Variants in CCR3 observed in about 807,000 individuals in gnomAD.
CCR3 encodes the protein C-C motif chemokine receptor 3, also known as C-C chemokine receptor type 3.
For synonymous variants in CCR3, 203 were observed against 179.2 expected (o/e 1.13, Z -1.06); for missense variants, 419 against 437.5 (o/e 0.96, Z 0.38).
At chr3:46,242,963 G>GTGTATATA (rs1553644056) in intron 1 of CCR3, among the ~76,000 whole-genome samples, 2 of 86,298 alleles carry the variant, frequency 2.3e-5, no homozygotes, top group East Asian at 7.2e-4. Context: ...ATATATATGT[G>GTGTATATA]TATATATATA....
chr3:46,232,965 T>G (rs1699983097), intron 2 of CCR3, among the ~76,000 whole-genome samples: 1 of 152,212 alleles, frequency 6.6e-6, no homozygotes, highest in Admixed American at 6.5e-5. Flanking sequence ...CCCGAGTAGC[T>G]GGGATTATAG....
In CCR3 at chr3:46,251,689, G is replaced by A. The variant is rs181843700; in HGVS notation, c.-12+9151G>A. 6.2e-3 allele frequency among the ~76,000 whole-genome samples: 937 copies of A among 152,268 alleles called. 8 individuals are homozygous for A. The highest frequency in any genetic ancestry group is 0.011 in the Admixed American group (172 of 15,314). On this transcript the variant is annotated intron_variant, in intron 1 of 1. Coordinates refer to ENST00000395940, the MANE Select transcript of CCR3 (RefSeq NM_178329.3). ...GTTTATTTCACCTGAGTGCAGGCGG[G>A]CTGAGTCCGAAAAGAGAGTCAGCAA...
At chr3:46,239,509 T>C (rs1417026896), upstream of CCR3, among the ~76,000 whole-genome samples, 2 of 152,214 alleles carry the variant, frequency 1.3e-5, no homozygotes, top group East Asian at 1.9e-4. Context: ...CTCATCTATA[T>C]GAGCCATAAA....
chr3:46,265,399 C>T lies in CCR3; in HGVS notation c.241C>T (p.Leu81=), dbSNP rs768633312. ...CCTGCTCAACCTGGCCATTTCGGACCTGCTCTTCCTCGTCACCCTTCCATT... is the reference window on the plus strand; with the variant it reads ...CCTGCTCAACCTGGCCATTTCGGACTTGCTCTTCCTCGTCACCCTTCCATT... ...IYLLNLAISD[L]LFLVTLPFWI... Residue 81 remains leucine, a synonymous_variant, in exon 2 of 2, where the codon CTG becomes TTG. Transcript: ENST00000395940. 5.0e-6 allele frequency: 8 copies of T among 1,614,210 alleles called. No individual in the cohort carries two copies. The South Asian group carries it at 6.6e-5, about 13-fold the overall frequency.
Position 46,221,301 on chromosome 3 carries a change from C to A in CCR3, c.-68+10394C>A, listed in dbSNP as rs1393622027. On this transcript the variant is annotated intron_variant, in intron 2 of 3. Coordinates refer to the CCR3 transcript ENST00000357422. ...ATGTACAGGGAAGATGTTTGCATTT[C>A]TTTCATCTTAAGTCTTCAAGGACAA... Among the ~76,000 whole-genome samples, 3 of 152,340 alleles carry A rather than the reference C, an allele frequency of 2.0e-5. No individual in the cohort carries two copies. The East Asian group carries it at 5.8e-4, about 29-fold the overall frequency.
intron 2 of CCR3, among the ~76,000 whole-genome samples, chr3:46,220,171 G>A (rs1306968411): frequency 6.6e-6 from 1 of 152,084 alleles, no homozygotes; most frequent in Non-Finnish European, 1.5e-5. Flanking sequence ...TCAAAAAGCG[G>A]GCTAAGGACA....
chr3:46,252,980 C>A (rs1196392218), intron 1 of CCR3, among the ~76,000 whole-genome samples: 5 of 151,960 alleles, frequency 3.3e-5, no homozygotes, highest in Non-Finnish European at 5.9e-5. Flanking sequence ...GAGTTGTCAA[C>A]CTTGGCTGCA....
intron 2 of CCR3, among the ~76,000 whole-genome samples, chr3:46,211,379 G>GTATATATATATA (rs34807299): frequency 1.6e-5 from 2 of 127,748 alleles, no homozygotes; most frequent in African/African-American, 8.0e-5. Flanking sequence ...GAAAAAATAT[G>GTATATATATATA]TATATATATA....
chr3:46,251,616 A>G (rs1478688867), intron 1 of CCR3, among the ~76,000 whole-genome samples: 1 of 152,180 alleles, frequency 6.6e-6, no homozygotes, highest in African/African-American at 2.4e-5. Context: ...TTTCATGTGC[A>G]TCCTTGTGAA....
chr3:46,221,444 C>G (rs745913195), intron 2 of CCR3, among the ~76,000 whole-genome samples: 7 of 152,216 alleles, frequency 4.6e-5, no homozygotes, highest in Admixed American at 3.3e-4. Flanking sequence ...GCCTGATTCC[C>G]TAGTTGTAGG....
chr3:46,251,889 A>G (rs1204337201), intron 1 of CCR3, among the ~76,000 whole-genome samples: 1 of 152,170 alleles, frequency 6.6e-6, no homozygotes, highest in African/African-American at 2.4e-5. Context: ...AGGTAATGTC[A>G]TCACTTAAGG....
At chr3:46,246,666 G>A (rs1395261095) in intron 1 of CCR3, among the ~76,000 whole-genome samples, 1 of 152,118 alleles carries the variant, frequency 6.6e-6, no homozygotes, top group Non-Finnish European at 1.5e-5. Flanking sequence ...AGGCCATCTG[G>A]GCGTATATGT....
chr3:46,266,051 C>G lies in CCR3; in HGVS notation c.893C>G (p.Pro298Arg), dbSNP rs547603517. The change falls in exon 2 of 2, where the codon CCG becomes CGG. Residue 298 changes from proline to arginine, a missense_variant. Physicochemically the swap from Pro to Arg is moderately radical, Grantham distance 103 (BLOSUM62 -2). Transcript: ENST00000395940. ...GCCTACTCCCACTGCTGCATGAACC[C>G]GGTGATCTACGCCTTTGTTGGAGAG... The part of the protein sequence containing the change: ...VIAYSHCCMN[P>R]VIYAFVGERF... 6.2e-7 allele frequency: 1 copy of G among 1,614,034 alleles called. No homozygotes were observed. Among genetic ancestry groups the G allele is most frequent in the East Asian group, 2.2e-5 (1 of 44,866 alleles).
chr3:46,252,806 G>A (rs557579859), intron 1 of CCR3, among the ~76,000 whole-genome samples: 6 of 152,196 alleles, frequency 3.9e-5, no homozygotes, highest in Non-Finnish European at 5.9e-5. Context: ...GCCATTCATG[G>A]TGATAGCTTC....
Position 46,265,806 on chromosome 3 carries a change from C to T in CCR3, c.648C>T (p.Ala216=), listed in dbSNP as rs1559541450. Residue 216 remains alanine (A), a synonymous_variant, in exon 2 of 2, where the codon GCC becomes GCT. Coordinates refer to ENST00000395940, the MANE Select transcript of CCR3 (RefSeq NM_178329.3). ...TCGTTCTCCCTCTGCTCGTTATGGC[C>T]ATCTGCTACACAGGAATCATCAAAA... ...FCLVLPLLVM[A]ICYTGIIKTL... 1.2e-6 allele frequency: 2 copies of T among 1,614,002 alleles called. No homozygotes were observed. Among genetic ancestry groups the T allele is most frequent in the Non-Finnish European group, 1.7e-6 (2 of 1,179,978 alleles).
chr3:46,253,308 T>C (rs1156343748), intron 1 of CCR3, among the ~76,000 whole-genome samples: 1 of 152,120 alleles, frequency 6.6e-6, no homozygotes, highest in Non-Finnish European at 1.5e-5. Flanking sequence ...GTGGTTGAAT[T>C]TGCATCTTTG....
At chr3:46,221,101 G>A (rs1326816309) in intron 2 of CCR3, among the ~76,000 whole-genome samples, 6 of 152,170 alleles carry the variant, frequency 3.9e-5, no homozygotes, top group Admixed American at 6.5e-5. Flanking sequence ...ACCCACCTTC[G>A]CCTTAGTGAT....
intron 1 of CCR3, among the ~76,000 whole-genome samples, chr3:46,242,777 G>A (rs1700106559): frequency 6.6e-6 from 1 of 151,552 alleles, no homozygotes; most frequent in Admixed American, 6.6e-5. Flanking sequence ...TTTGCGTGTA[G>A]CACTCACCCA....
intron 2 of CCR3, among the ~76,000 whole-genome samples, chr3:46,231,502 C>T (rs41489749): frequency 0.013 from 1,931 of 152,272 alleles, 42 homozygotes; most frequent in African/African-American, 0.043. Flanking sequence ...TATTAGTCAA[C>T]GAGCACAAAG....
Sources: allele counts gnomAD v4.1 joint callset (sites outside exome capture counted in the v4.1 genomes callset), GRCh38; gene constraint gnomAD v4.1.1; transcripts MANE v1.5; gene names NCBI Gene and HGNC (gene_info 2026-07-23, HGNC 2026-07-21).